The following CLEC17A variants were observed in gnomAD, a reference collection of about 807,000 sequenced individuals.
CLEC17A encodes C-type lectin domain family 17, member A.
In CLEC17A, 37 loss-of-function variants were observed where a neutral mutation model predicts 61.3. The observed-to-expected ratio is 0.60, with a 90% CI of 0.46 to 0.79. The LOEUF (loss-of-function observed/expected upper bound fraction) is 0.79. Ranked by LOEUF, CLEC17A falls within the 30% of genes least tolerant of loss-of-function variation. The probability of loss-of-function intolerance (pLI) is 0.00; values close to 1 mark genes in which losing one functional copy is unlikely to be tolerated. For missense variants in CLEC17A, 418 were observed against 464.7 expected, an observed-to-expected ratio of 0.90 and a Z score of 0.92; for synonymous variants, 168 against 164.9, an observed-to-expected ratio of 1.02 and a Z score of -0.14.
intron 10 of CLEC17A, among the ~76,000 whole-genome samples, chr19:14,599,079 C>CTTTTTTTTTTTTTTTTTTTTTTTT (rs796835309): frequency 1.8e-5 from 1 of 56,942 alleles, no homozygotes; most frequent in Non-Finnish European, 3.3e-5. Flanking sequence ...TGTATCTTTG[C>CTTTTTTTTTTTTTTTTTTTTTTTT]TTTTTTTTTT....
intron 12 of CLEC17A, among the ~76,000 whole-genome samples, chr19:14,602,238 T>G (rs1281269217): frequency 6.6e-6 from 1 of 152,158 alleles, no homozygotes; most frequent in Non-Finnish European, 1.5e-5. Context: ...TGGGTTTGGA[T>G]TTTTAAAATC....
At chr19:14,596,148 C>T (rs942012184) in intron 8 of CLEC17A, among the ~76,000 whole-genome samples, 1 of 151,756 alleles carries the variant, frequency 6.6e-6, no homozygotes, top group African/African-American at 2.4e-5. Context: ...AGCCGGGGTC[C>T]ACAAGCTTCC....
At chr19:14,598,978 A>G (rs1296541336) in intron 10 of CLEC17A, among the ~76,000 whole-genome samples, 1 of 150,832 alleles carries the variant, frequency 6.6e-6, no homozygotes, top group Admixed American at 6.6e-5. Context: ...GGATCCAGGC[A>G]TCTGAGCTCA....
At chr19:14,581,904 G>A (rs1047570746), upstream of CLEC17A, among the ~76,000 whole-genome samples, 14 of 151,894 alleles carry the variant, frequency 9.2e-5, no homozygotes, top group Non-Finnish European at 1.8e-4. Context: ...CACCCACCTC[G>A]GCCTCCCAAA....
upstream of CLEC17A, chr19:14,582,957 C>G (rs2146653105): frequency 3.6e-6 from 2 of 558,518 alleles, no homozygotes; most frequent in East Asian, 6.0e-5. Flanking sequence ...GAGAAAGGCT[C>G]TGTGTGTATG....
At chr19:14,586,762 T>C (rs1423164048) in intron 2 of CLEC17A, among the ~76,000 whole-genome samples, 2 of 152,122 alleles carry the variant, frequency 1.3e-5, no homozygotes, top group Admixed American at 1.3e-4. Flanking sequence ...ATTGTGTCTC[T>C]GGTCTAGATT....
chr19:14,604,922 A>T (rs1322871041), intron 12 of CLEC17A, among the ~76,000 whole-genome samples: 2 of 152,196 alleles, frequency 1.3e-5, no homozygotes, highest in Non-Finnish European at 2.9e-5. Context: ...GAATTCCAGG[A>T]TGTGGAAAGC....
rs368700323 is a variant in CLEC17A at position 14,607,410 on chromosome 19, A to G, written c.1004+308A>G. ...AGTAGAGACGGGGTTTCACCGTGTT[A>G]GCCAGGATGGTCTTGATCTCCTGAC... On this transcript the variant is annotated intron_variant, in intron 13 of 13. Transcript: ENST00000417570. Among the ~76,000 whole-genome samples, 138 of 151,532 alleles carry G rather than the reference A, an allele frequency of 9.1e-4. 1 individual carries two copies. The highest frequency in any genetic ancestry group is 6.5e-3 in the East Asian group (33 of 5,086).
intron 2 of CLEC17A, among the ~76,000 whole-genome samples, chr19:14,584,824 C>T (rs2074249921): frequency 6.6e-6 from 1 of 151,712 alleles, no homozygotes; most frequent in African/African-American, 2.4e-5. Flanking sequence ...ATCCACTCTC[C>T]AATCCAACTT....
chr19:14,599,625 C>A (rs2074652802), intron 10 of CLEC17A, 92 bp from the exon 11 acceptor site: 1 of 892,210 alleles, frequency 1.1e-6, no homozygotes, highest in Non-Finnish European at 1.8e-6. Flanking sequence ...GGAACACAAC[C>A]CTTGCTTCTC....
chr19:14,583,455 G>C (rs776151248), intron 2 of CLEC17A, 21 bp downstream of exon 2: 1 of 1,611,970 alleles, frequency 6.2e-7, no homozygotes, highest in East Asian at 2.2e-5. Context: ...TTTTTGGAGT[G>C]TGACCTGGGG....
intron 8 of CLEC17A, 113 bp downstream of exon 8, chr19:14,595,428 T>TCAGAACAGTGCAG: frequency 1.7e-6 from 2 of 1,155,902 alleles, no homozygotes; most frequent in Non-Finnish European, 1.3e-6. Context: ...AGCTGCTCCT[T>TCAGAACAGTGCAG]CAGGACCTGC....
At position 14,586,528 on chromosome 19, in the gene CLEC17A, TC is replaced by T. The variant is rs933507200; in HGVS notation, c.122-1084del. 1.4e-4 allele frequency among the ~76,000 whole-genome samples: 21 copies of T among 152,210 alleles called. 1 individual carries two copies. Among genetic ancestry groups the T allele is most frequent in the African/African-American group, 4.3e-4 (18 of 41,512 alleles). On this transcript the variant is annotated intron_variant, in intron 2 of 13. Transcript: ENST00000417570. ...GTGTCAACCTCCTGAGCTCAAGCAA[TC>T]CTCCCACCTCAGCCTCCTGATAGCT...
chr19:14,593,415 G>A (rs34894207), intron 4 of CLEC17A, among the ~76,000 whole-genome samples: 17,621 of 151,298 alleles, frequency 0.12, 1,179 homozygotes, highest in African/African-American at 0.17. Flanking sequence ...GGGAAGCCAA[G>A]GTGGGAGCAT....
At chr19:14,599,073 T>G (rs1325699664) in intron 10 of CLEC17A, among the ~76,000 whole-genome samples, 1 of 146,468 alleles carries the variant, frequency 6.8e-6, no homozygotes. Flanking sequence ...TGCCTCTGTA[T>G]CTTTGCTTTT....
At chr19:14,587,832 C>G in intron 3 of CLEC17A, 141 bp downstream of exon 3, 1 of 1,506,972 alleles carries the variant, frequency 6.6e-7, no homozygotes, top group Non-Finnish European at 8.9e-7. Context: ...ACACCCTGCC[C>G]AGGAGGACCT....
At chr19:14,599,088 T>TC (rs1043594413) in intron 10 of CLEC17A, among the ~76,000 whole-genome samples, 1 of 131,316 alleles carries the variant, frequency 7.6e-6, no homozygotes, top group Non-Finnish European at 1.6e-5. Flanking sequence ...GCTTTTTTTT[T>TC]TTTTTTTTTT....
intron 3 of CLEC17A, among the ~76,000 whole-genome samples, chr19:14,591,217 C>T (rs1255620085): frequency 4.0e-4 from 61 of 151,278 alleles, no homozygotes; most frequent in African/African-American, 1.1e-3. Flanking sequence ...TGCAGTGGCG[C>T]GATCTCGGCT....
chr19:14,599,898 G>T (rs1362761931), intron 11 of CLEC17A, 86 bp downstream of exon 11: 6 of 1,495,870 alleles, frequency 4.0e-6, no homozygotes, highest in Admixed American at 3.7e-5. Context: ...CATTCTCAGT[G>T]CAGTCTATGT....
Sources: allele counts gnomAD v4.1 joint callset (sites outside exome capture counted in the v4.1 genomes callset), GRCh38; gene constraint gnomAD v4.1.1; transcripts MANE v1.5; gene names NCBI Gene and HGNC (gene_info 2026-07-23, HGNC 2026-07-21).